CAPN6: variants seen among roughly 807,000 people sequenced by gnomAD.
The protein encoded by CAPN6 is calpain-6.
In CAPN6, 16 loss-of-function variants were observed where a neutral mutation model predicts 46.0. The observed-to-expected ratio is 0.35, with a 90% CI of 0.24 to 0.53. The LOEUF is 0.53. Among genes scored for constraint, CAPN6 ranks in the 20% least tolerant of loss-of-function variants. The probability of loss-of-function intolerance (pLI) is 0.94; values close to 1 mark genes in which losing one functional copy is unlikely to be tolerated. For synonymous variants in CAPN6, 206 were observed against 172.8 expected (o/e 1.19, Z -1.51); for missense variants, 461 against 498.0 (o/e 0.93, Z 0.71).
chrX:111,246,597 C>T lies in CAPN6; in HGVS notation c.1906G>A (p.Asp636Asn), dbSNP rs374298832. The change falls in exon 13 of 13, where the codon GAT becomes AAT. Residue 636 changes from aspartate (D) to asparagine (N), a missense_variant. Physicochemically the swap from Asp to Asn is conservative, Grantham distance 23. Coordinates refer to ENST00000324068, the MANE Select transcript of CAPN6 (RefSeq NM_014289.4). The stretch of plus-strand genomic sequence containing the variant: ...CAGATTTAGAGCTCAGTGAGATCAT[C>T]GCTGGAAATAACCTTGAAGCTGATG... ...GHISFKVISS[D>N]DLTEL The T allele has an allele frequency of 2.0e-5, 24 of 1,208,749 alleles. No homozygotes were observed. The highest frequency in any genetic ancestry group is 3.5e-5 in the African/African-American group (2 of 57,109).
chrX:111,252,367 C>G lies in CAPN6; in HGVS notation c.639G>C (p.Lys213Asn). 8.3e-7 allele frequency: 1 copy of G among 1,210,253 alleles called. No individual in the cohort carries two copies. The change falls in exon 5 of 13, where the codon AAG (lysine) becomes AAC (asparagine). Residue 213 changes from lysine to asparagine, a missense_variant. Lys to Asn is a moderately conservative substitution (Grantham distance 94). Coordinates refer to ENST00000324068, the MANE Select transcript of CAPN6 (RefSeq NM_014289.4). ...ATGTTTTGTACAGTTCTCCGAATAG[C>G]TTGTACTTCTCCTCAACAAGCTCAG... ...RYTELVEEKYKLFGELYKTFT... is the reference protein window; with the variant it reads ...RYTELVEEKYNLFGELYKTFT...
In CAPN6 at chrX:111,254,332, C is replaced by A. The variant is rs772582243; in HGVS notation, c.237G>T (p.Gly79=). ...SNHQLTQGRL[G]HKPMVSAFSC... ...AAAATGCAGAAACCATTGGCTTGTG[C>A]CCCAGTCTCCCTTGGGTCAGCTGGT... Residue 79 remains glycine (G), a synonymous_variant, in exon 3 of 13, where the codon GGG becomes GGT. Coordinates refer to ENST00000324068, the MANE Select transcript of CAPN6 (RefSeq NM_014289.4). The A allele has an allele frequency of 8.3e-7, 1 of 1,207,030 alleles. No individual in the cohort carries two copies. Among genetic ancestry groups the A allele is most frequent in the African/African-American group, 1.8e-5 (1 of 57,005 alleles).
At position 111,245,254 on chromosome X, in the gene CAPN6, T is replaced by C. The variant is rs944702190; in HGVS notation, c.*1323A>G. 8.9e-6 allele frequency: 1 copy of C among 111,963 alleles called. No homozygotes were observed. Among genetic ancestry groups the C allele is most frequent in the Non-Finnish European group, 1.9e-5 (1 of 53,168 alleles). 9.2% of individuals were successfully genotyped at this position (111,963 alleles called of 1,213,427 possible). ...CTAGGTAGGCTAAGTACTACAACTATGTTTCTTTTTCATCATTGCAGAAGC... is the reference window on the plus strand; with the variant it reads ...CTAGGTAGGCTAAGTACTACAACTACGTTTCTTTTTCATCATTGCAGAAGC... On this transcript the variant is annotated 3_prime_UTR_variant, in exon 13 of 13. Transcript: ENST00000324068.
chrX:111,266,260 G>C (rs1187907997), intron 1 of CAPN6, among the ~76,000 whole-genome samples: 1 of 77,577 alleles, frequency 1.3e-5, no homozygotes, highest in South Asian at 5.7e-4. Context: ...AAAAAAAAAA[G>C]TGACCCGCAT....
intron 1 of CAPN6, among the ~76,000 whole-genome samples, chrX:111,267,102 C>T (rs1333458586): frequency 5.4e-5 from 6 of 111,658 alleles, no homozygotes; most frequent in South Asian, 3.8e-4. Context: ...CACCCGATGG[C>T]GATGGGGAAG....
At chrX:111,260,579 G>C (rs2094987153) in intron 2 of CAPN6, among the ~76,000 whole-genome samples, 1 of 112,106 alleles carries the variant, frequency 8.9e-6, no homozygotes, top group African/African-American at 3.2e-5. Flanking sequence ...GCCTTCCTGA[G>C]CCAATTCAGA....
Position 111,245,545 on chromosome X carries a change from C to T in CAPN6, c.*1032G>A, listed in dbSNP as rs755951904. On this transcript the variant is annotated 3_prime_UTR_variant, in exon 13 of 13. Transcript: ENST00000324068. Reference sequence around the variant, plus strand: ...GGGCTGGGACCAAAGTCTCAAGTCCCCAGATGGGGTCTTCAGTACAAATGA... The same window carrying T: ...GGGCTGGGACCAAAGTCTCAAGTCCTCAGATGGGGTCTTCAGTACAAATGA... 5 of 111,923 alleles carry T rather than the reference C, an allele frequency of 4.5e-5. No individual in the cohort carries two copies. The highest frequency in any genetic ancestry group is 9.5e-5 in the Admixed American group (1 of 10,557). 9.2% of individuals were successfully genotyped at this position (111,923 alleles called of 1,213,427 possible).
At chrX:111,249,242 C>T (rs753775981) in intron 8 of CAPN6, among the ~76,000 whole-genome samples, 185 bp from the exon 9 acceptor site, 29 of 112,100 alleles carry the variant, frequency 2.6e-4, no homozygotes, top group Non-Finnish European at 5.3e-4. Context: ...ACCATTAACA[C>T]TTGTTTCTTT....
rs774659243 is a variant in CAPN6 at position 111,246,067 on chromosome X, G to T, written c.*510C>A. 4.3e-5 allele frequency: 5 copies of T among 115,158 alleles called. No homozygotes were observed. The highest frequency in any genetic ancestry group is 2.8e-4 in the Admixed American group (3 of 10,543). 9.5% of individuals were successfully genotyped at this position (115,158 alleles called of 1,213,427 possible). On this transcript the variant is annotated 3_prime_UTR_variant, in exon 13 of 13. Transcript: ENST00000324068. The stretch of plus-strand genomic sequence containing the variant: ...GTGGTGGTCGTGGTTGGTGGTGGTG[G>T]CAGTGGTGTCTGTAAGGGTTGGGGA...
In CAPN6 at chrX:111,270,443, G is replaced by GCTGCTGCTGCTGCTGCTGCTGCTGCTGC. The variant is rs752044458; in HGVS notation, c.-89_-88insGCAGCAGCAGCAGCAGCAGCAGCAGCAG. ...TGCTGCTGCCGTTGCCGCTGCTGCT[G>GCTGCTGCTGCTGCTGCTGCTGCTGCTGC]TTAGCCAGGTAACCCCACTAAAAGT... On this transcript the variant is annotated 5_prime_UTR_variant, in exon 1 of 13. Coordinates refer to ENST00000324068, the MANE Select transcript of CAPN6 (RefSeq NM_014289.4). 1 of 345,168 alleles carries GCTGCTGCTGCTGCTGCTGCTGCTGCTGC rather than the reference G, an allele frequency of 2.9e-6. No individual in the cohort carries two copies. Among genetic ancestry groups the GCTGCTGCTGCTGCTGCTGCTGCTGCTGC allele is most frequent in the African/African-American group, 2.2e-5 (1 of 44,479 alleles). The allele number at this position is 345,168 out of a possible 1,213,427, so 28.4% of individuals were successfully genotyped here. A position where few individuals can be genotyped will look rare whatever the true frequency, so the allele number is the denominator to read the frequency against.
intron 8 of CAPN6, among the ~76,000 whole-genome samples, chrX:111,250,433 A>G (rs996904854): frequency 1.8e-5 from 2 of 111,378 alleles, no homozygotes; most frequent in Non-Finnish European, 3.8e-5. Context: ...AAATCCTGGG[A>G]AAAATGACCT....
chrX:111,261,522 CCT>C (rs2094987937), intron 2 of CAPN6, among the ~76,000 whole-genome samples: 1 of 112,186 alleles, frequency 8.9e-6, no homozygotes, highest in African/African-American at 3.2e-5. Context: ...CACTGTTCAG[CCT>C]CTCTCTCTGA....
rs747075070 is a variant in CAPN6 at position 111,247,412 on chromosome X, C to A, written c.1699G>T (p.Ala567Ser). The A allele has an allele frequency of 8.3e-7, 1 of 1,205,850 alleles. No individual in the cohort carries two copies. Among genetic ancestry groups the A allele is most frequent in the Non-Finnish European group, 1.1e-6 (1 of 893,294 alleles). ...TCAGTGGTCCTTCTGTAGAAAATGG[C>A]CTGGGTGTCAAAAATGGCATGAACT... Reference protein sequence around the residue: ...NTVHAIFDTQAIFYRRTTDIP... With the variant: ...NTVHAIFDTQSIFYRRTTDIP... Residue 567 changes from alanine to serine, a missense_variant, in exon 12 of 13, where the codon GCC (alanine) becomes TCC (serine). By Grantham distance (99) the Ala-to-Ser change is moderately conservative (BLOSUM62 1). Transcript: ENST00000324068.
At chrX:111,247,292 A>G in intron 12 of CAPN6, 76 bp downstream of exon 12, 1 of 898,407 alleles carries the variant, frequency 1.1e-6, no homozygotes, top group South Asian at 3.4e-5. Context: ...TCCTAAACAT[A>G]TATAAGGTAC....
chrX:111,255,543 T>C (rs1234289640), intron 2 of CAPN6, among the ~76,000 whole-genome samples: 3 of 113,058 alleles, frequency 2.7e-5, no homozygotes, highest in Non-Finnish European at 5.6e-5. Context: ...GACATTCTGC[T>C]TACGCAGCAG....
At chrX:111,248,039 T>C (rs2094976000) in intron 10 of CAPN6, 47 bp from the exon 11 acceptor site, 1 of 1,150,852 alleles carries the variant, frequency 8.7e-7, no homozygotes, top group Admixed American at 2.2e-5. Flanking sequence ...TAAATATCCT[T>C]TGATGAAATA....
At position 111,251,107 on chromosome X, in the gene CAPN6, A is replaced by AATGG; in HGVS notation, c.972-8_972-5dup. ...GCAAAAGTCCTCCAAGCTCATCCTG[A>AATGG]ATGGAAGGAGCACAGGAAAAAAATA... On this transcript the variant is annotated splice_region_variant and splice_polypyrimidine_tract_variant and intron_variant, in intron 7 of 12. Coordinates refer to ENST00000324068, the MANE Select transcript of CAPN6 (RefSeq NM_014289.4). The AATGG allele has an allele frequency of 2.5e-6, 3 of 1,210,196 alleles. No homozygotes were observed. The highest frequency in any genetic ancestry group is 3.4e-6 in the Non-Finnish European group (3 of 894,739).
intron 10 of CAPN6, 56 bp from the exon 11 acceptor site, chrX:111,248,048 T>C: frequency 9.0e-7 from 1 of 1,112,334 alleles, no homozygotes; most frequent in South Asian, 1.9e-5. Context: ...TTTGATGAAA[T>C]AAGCCCGCCA....
chrX:111,249,064 GAA>G lies in CAPN6; in HGVS notation c.1159-9_1159-8del, dbSNP rs1426248894. 8.3e-7 allele frequency: 1 copy of G among 1,208,245 alleles called. No homozygotes were observed. Among genetic ancestry groups the G allele is most frequent in the Non-Finnish European group, 1.1e-6 (1 of 894,412 alleles). On this transcript the variant is annotated splice_polypyrimidine_tract_variant and splice_region_variant and intron_variant, in intron 8 of 12. Coordinates refer to ENST00000324068, the MANE Select transcript of CAPN6 (RefSeq NM_014289.4). Reference sequence around the variant, plus strand: ...CAGGCACAGTGAAGATGTACTAAGGGAAAGAGACCACCACAGAGGTGAGTTAG... The same window carrying G: ...CAGGCACAGTGAAGATGTACTAAGGGAGAGACCACCACAGAGGTGAGTTAG...
Sources: gnomAD v4.1 joint callset for allele counts (sites outside exome capture counted in the v4.1 genomes callset) on GRCh38, gnomAD v4.1.1 for gene constraint, MANE v1.5 for transcripts, NCBI Gene and HGNC (gene_info 2026-07-23, HGNC 2026-07-21) for gene names.